CELSR1: variants seen among roughly 807,000 people sequenced by gnomAD.
CELSR1 encodes adhesion G protein-coupled receptor C1.
Under a neutral mutation model 249.1 loss-of-function variants are expected in CELSR1, and 110 were observed. The ratio of observed to expected loss-of-function variants is 0.44; its 90% confidence interval spans 0.38 to 0.52. The LOEUF is 0.52. Among genes scored for constraint, CELSR1 ranks in the 20% least tolerant of loss-of-function variants. CELSR1 has a pLI of 0.00. For synonymous variants in CELSR1, 2,113 were observed against 1,900.0 expected, an observed-to-expected ratio of 1.11 and a Z score of -2.92; for missense variants, 4,109 against 4,296.4, an observed-to-expected ratio of 0.96 and a Z score of 1.22.
intron 1 of CELSR1, chr22:46,530,181 G>A (rs1475442591): frequency 6.6e-6 from 1 of 152,020 alleles, no homozygotes; most frequent in East Asian, 1.9e-4. Context: ...GCCAGGTGTG[G>A]TGGTGCAATG....
intron 5 of CELSR1, among the ~76,000 whole-genome samples, chr22:46,418,412 G>A (rs2079427713): frequency 6.6e-6 from 1 of 152,206 alleles, no homozygotes; most frequent in African/African-American, 2.4e-5. Flanking sequence ...TTGAACCCGG[G>A]AGACGGAGGT....
chr22:46,425,264 T>G (rs1177154521), intron 5 of CELSR1, among the ~76,000 whole-genome samples: 1 of 152,206 alleles, frequency 6.6e-6, no homozygotes, highest in East Asian at 1.9e-4. Flanking sequence ...TGTGGTTTTG[T>G]TTAGTCTGTC....
At chr22:46,373,748 T>C (rs1303898511) in intron 24 of CELSR1, among the ~76,000 whole-genome samples, 3 of 150,478 alleles carry the variant, frequency 2.0e-5, no homozygotes, top group African/African-American at 7.4e-5. Flanking sequence ...ATAGGAGCAA[T>C]GGGAGGGTCC....
rs562958612 is a variant in CELSR1, at chr22:46,363,711, G to T, written c.9035+285C>A. ...CAGGCGGAGACAATGCTGATCAAAC[G>T]CAGAGCCCAGCACCTTAGGTCCTAG... is the stretch of plus-strand genomic sequence containing the variant. On this transcript the variant is annotated intron_variant, in intron 34 of 34. Transcript: ENST00000674500. This position sits in a 1 kb window ranked among gnomAD's most constrained non-coding sequence, Gnocchi z 4.3. 4 of 475,578 alleles carry T rather than the reference G, an allele frequency of 8.4e-6. No individual in the cohort carries two copies. The highest frequency in any genetic ancestry group is 1.5e-5 in the Non-Finnish European group (4 of 269,702). The allele number at this position is 475,578 out of a possible 1,614,324, so 29.5% of individuals were successfully genotyped here.
At position 46,410,704 on chromosome 22, in the gene CELSR1, C is replaced by T; in HGVS notation, c.4770-143G>A. On this transcript the variant is annotated intron_variant, in intron 6 of 34. Transcript: ENST00000674500. The surrounding 1 kb of genome is among the most constrained non-coding windows in gnomAD (Gnocchi z 6.8). Reference sequence around the variant, plus strand: ...CAGACAGGCGGGGAGAGGCCAAAGTCAGAGGGGGCTCCTGTGTCTGGTGCC... The same window carrying T: ...CAGACAGGCGGGGAGAGGCCAAAGTTAGAGGGGGCTCCTGTGTCTGGTGCC... 1 of 761,074 alleles carries T rather than the reference C, an allele frequency of 1.3e-6. No homozygotes were observed. Among genetic ancestry groups the T allele is most frequent in the Non-Finnish European group, 2.1e-6 (1 of 477,122 alleles). The allele number at this position is 761,074 out of a possible 1,614,324, so 47.1% of individuals were successfully genotyped here.
At position 46,384,042 on chromosome 22, in the gene CELSR1, C is replaced by G. The variant is rs188946714; in HGVS notation, c.6883+501G>C. 2.0e-4 allele frequency among the ~76,000 whole-genome samples: 31 copies of G among 152,122 alleles called. No individual in the cohort carries two copies. In the East Asian group the frequency reaches 6.0e-3, roughly 29 times the overall value. ...CTCTGCCTCGTGGGCTCAAGCAATT[C>G]TCATGCCTCAGCCTCCTGAGTAGCT... On this transcript the variant is annotated intron_variant, in intron 20 of 34. Transcript: ENST00000674500.
At chr22:46,514,356 T>C (rs2080604809) in intron 1 of CELSR1, among the ~76,000 whole-genome samples, 1 of 152,180 alleles carries the variant, frequency 6.6e-6, no homozygotes, top group Non-Finnish European at 1.5e-5. Flanking sequence ...TGCGGGCCTA[T>C]GTGATGCTGA....
rs1341030684 is a variant in CELSR1 at position 46,365,363 on chromosome 22, C to A, written c.8422G>T (p.Asp2808Tyr). 2 of 1,612,906 alleles carry A rather than the reference C, an allele frequency of 1.2e-6. No homozygotes were observed. Among genetic ancestry groups the A allele is most frequent in the Admixed American group, 3.3e-5 (2 of 60,018 alleles). ...KDPPGHDSDS[D>Y]SELSLDEQSS... ...TGCTCATCCAGGGACAGCTCGCTAT[C>A]TGAGTCGGAATCGTGGCCTGTGGAT... Residue 2808 changes from aspartate to tyrosine, a missense_variant, in exon 32 of 35, where the codon GAT (aspartate) becomes TAT (tyrosine). By Grantham distance (160) the Asp-to-Tyr change is radical. Transcript: ENST00000674500.
At chr22:46,365,448 C>G (rs910950133) in intron 31 of CELSR1, 68 bp from the exon 32 acceptor site, 2 of 1,586,480 alleles carry the variant, frequency 1.3e-6, no homozygotes, top group African/African-American at 1.3e-5. Context: ...GAGGGCCAAG[C>G]AGAGCCACTG....
In CELSR1 at chr22:46,433,545, G is replaced by T; in HGVS notation, c.4523-64C>A. Reference sequence around the variant, plus strand: ...TTGGCGGGGCCTACTGGGGACCGAGGATTGCGCTGTGAGGCATCAGGGGGA... The same window carrying T: ...TTGGCGGGGCCTACTGGGGACCGAGTATTGCGCTGTGAGGCATCAGGGGGA... On this transcript the variant is annotated intron_variant, in intron 4 of 34. Transcript: ENST00000674500. This position sits in a 1 kb window ranked among gnomAD's most constrained non-coding sequence, Gnocchi z 5.7. 7.6e-7 allele frequency: 1 copy of T among 1,317,772 alleles called. No individual in the cohort carries two copies. The highest frequency in any genetic ancestry group is 1.5e-5 in the African/African-American group (1 of 68,616). 81.6% of individuals were successfully genotyped at this position (1,317,772 alleles called of 1,614,324 possible).
intron 5 of CELSR1, among the ~76,000 whole-genome samples, chr22:46,415,977 G>GA: frequency 6.6e-6 from 1 of 152,370 alleles, no homozygotes; most frequent in African/African-American, 2.4e-5. Flanking sequence ...CGGCGGCAGA[G>GA]AAAAGACTAC....
Position 46,423,735 on chromosome 22 carries a change from G to T in CELSR1, c.4611+9658C>A, listed in dbSNP as rs917597322. The stretch of plus-strand genomic sequence containing the variant: ...CGCCTATAATCCAGCACTTTGGGAG[G>T]CTGAGGCAGTTGGATCACCTGAGGT... On this transcript the variant is annotated intron_variant, in intron 5 of 34. Coordinates refer to ENST00000674500, the MANE Select transcript of CELSR1 (RefSeq NM_001378328.1). This position sits in a 1 kb window ranked among gnomAD's most constrained non-coding sequence, Gnocchi z 5.6. Among the ~76,000 whole-genome samples the T allele has an allele frequency of 3.3e-5, 5 of 152,110 alleles. No individual in the cohort carries two copies. Among genetic ancestry groups the T allele is most frequent in the Non-Finnish European group, 5.9e-5 (4 of 68,034 alleles).
intron 2 of CELSR1, among the ~76,000 whole-genome samples, chr22:46,443,672 CAT>C (rs1045006435): frequency 2.7e-5 from 4 of 148,138 alleles, no homozygotes; most frequent in African/African-American, 5.0e-5. Context: ...CACACACACA[CAT>C]ACATACACAT....
chr22:46,494,114 T>G (rs559897737), intron 1 of CELSR1, among the ~76,000 whole-genome samples: 2 of 152,342 alleles, frequency 1.3e-5, no homozygotes, highest in South Asian at 4.1e-4. Context: ...CCTTGTGACT[T>G]GACTGGCTAC....
rs2079742128 is a variant in CELSR1, at chr22:46,441,114, C to G, written c.4184-1703G>C. On this transcript the variant is annotated intron_variant, in intron 2 of 34. Coordinates refer to ENST00000674500, the MANE Select transcript of CELSR1 (RefSeq NM_001378328.1). The surrounding 1 kb of genome is among the most constrained non-coding windows in gnomAD (Gnocchi z 6.1). ...GTTGTAGCGAGCCGAGGTCACACTA[C>G]CGCACTCCAGCCTAGGTGCCAGAGC... is the stretch of plus-strand genomic sequence containing the variant. Among the ~76,000 whole-genome samples the G allele has an allele frequency of 6.6e-6, 1 of 151,438 alleles. No homozygotes were observed. Among genetic ancestry groups the G allele is most frequent in the African/African-American group, 2.4e-5 (1 of 41,094 alleles).
chr22:46,533,770 A>G lies in CELSR1; in HGVS notation c.3401T>C (p.Val1134Ala). The change falls in exon 1 of 35, where the codon GTG becomes GCG. Residue 1134 changes from valine (V) to alanine (A), a missense_variant. By Grantham distance (64) the Val-to-Ala change is moderately conservative. This residue lies in a region of CELSR1 where 886 missense variants were observed against 896.5 expected (regional missense o/e 0.99). Coordinates refer to ENST00000674500, the MANE Select transcript of CELSR1 (RefSeq NM_001378328.1). ...IGCIPAHDPD[V>A]SDSLNYTFVQ... ...GAAGGTGTAGTTGAGGCTGTCTGAC[A>G]CGTCGGGGTCATGGGCCGGGATGCA... 1.2e-6 allele frequency: 2 copies of G among 1,613,592 alleles called. No individual in the cohort carries two copies. The highest frequency in any genetic ancestry group is 2.2e-5 in the South Asian group (2 of 91,086).
intron 1 of CELSR1, among the ~76,000 whole-genome samples, chr22:46,469,080 T>C (rs5767210): frequency 0.92 from 139,325 of 152,140 alleles, 63,950 homozygotes; most frequent in East Asian, 1. Flanking sequence ...TGTCTCCCCT[T>C]AAAAATGAAA....
At position 46,469,511 on chromosome 22, in the gene CELSR1, T is replaced by A. The variant is rs1465382251; in HGVS notation, c.3545-5166A>T. Reference sequence around the variant, plus strand: ...AGGGCTCTCTGTGTTTGTTTTGTTGTTGTTTGTTTGTTTGTTTGTTTTGAG... The same window carrying A: ...AGGGCTCTCTGTGTTTGTTTTGTTGATGTTTGTTTGTTTGTTTGTTTTGAG... On this transcript the variant is annotated intron_variant, in intron 1 of 34. Coordinates refer to ENST00000674500, the MANE Select transcript of CELSR1 (RefSeq NM_001378328.1). Among the ~76,000 whole-genome samples the A allele has an allele frequency of 6.0e-5, 9 of 150,694 alleles. No individual in the cohort carries two copies. In the East Asian group the frequency reaches 1.8e-3, roughly 29 times the overall value.
intron 2 of CELSR1, among the ~76,000 whole-genome samples, chr22:46,450,332 T>C (rs1326107146): frequency 6.6e-6 from 1 of 152,146 alleles, no homozygotes; most frequent in Non-Finnish European, 1.5e-5. Context: ...GACATAGAGA[T>C]GGAGGGACAG....
Sources: gnomAD v4.1 joint callset for allele counts (sites outside exome capture counted in the v4.1 genomes callset) on GRCh38, gnomAD v4.1.1 for gene constraint, gnomAD v4.1.1 regional missense constraint, Gnocchi (gnomAD v3.1) non-coding constraint, MANE v1.5 for transcripts, NCBI Gene and HGNC (gene_info 2026-07-23, HGNC 2026-07-21) for gene names.